Variants in LRRC37A2 observed in about 807,000 individuals in gnomAD.
LRRC37A2 encodes the protein leucine-rich repeat-containing protein 37A2.
LRRC37A2 carries 9 observed loss-of-function variants against 68.8 expected under a neutral mutation model. The observed-to-expected ratio is 0.13, with a 90% confidence interval of 0.08 to 0.23. The LOEUF (loss-of-function observed/expected upper bound fraction) is 0.23. Among genes scored for constraint, LRRC37A2 ranks in the 10% least tolerant of loss-of-function variants. The pLI, the probability that LRRC37A2 is intolerant of heterozygous loss-of-function variation, is 1.00. For synonymous variants in LRRC37A2, 63 were observed against 367.6 expected (o/e 0.17, Z 9.48); for missense variants, 168 against 950.4 (o/e 0.18, Z 10.82).
the LRRC37A2 span, among the ~76,000 whole-genome samples, chr17:47,039,059 A>G: frequency 6.6e-6 from 1 of 150,784 alleles, no homozygotes; most frequent in Non-Finnish European, 1.5e-5. Context: ...TTCTAGCAAC[A>G]AAGTCTCTCA....
chr17:46,809,340 C>A, the LRRC37A2 span, among the ~76,000 whole-genome samples: 1 of 152,154 alleles, frequency 6.6e-6, no homozygotes, highest in Non-Finnish European at 1.5e-5. Flanking sequence ...ATGGGCCCTG[C>A]GAGATTGGTT....
chr17:46,809,147 C>T, the LRRC37A2 span, among the ~76,000 whole-genome samples: 3 of 152,064 alleles, frequency 2.0e-5, no homozygotes, highest in African/African-American at 4.8e-5. Flanking sequence ...GTTACAACTG[C>T]GCAGGTGGAC....
At chr17:46,902,173 C>A in the LRRC37A2 span, among the ~76,000 whole-genome samples, 1 of 152,196 alleles carries the variant, frequency 6.6e-6, no homozygotes, top group African/African-American at 2.4e-5. Context: ...GAGCAGCCTC[C>A]TTCCTCCTCC....
At chr17:46,904,711 G>T in the LRRC37A2 span, among the ~76,000 whole-genome samples, 1 of 152,164 alleles carries the variant, frequency 6.6e-6, no homozygotes, top group African/African-American at 2.4e-5. Context: ...CTCAATTCAG[G>T]TTAGAGTGGA....
chr17:46,743,024 CT>C, the LRRC37A2 span, among the ~76,000 whole-genome samples: 1 of 152,336 alleles, frequency 6.6e-6, no homozygotes, highest in South Asian at 2.1e-4. Context: ...CTGCCTCTCC[CT>C]GAGGCCCCAC....
chr17:46,872,468 C>T, the LRRC37A2 span: 1 of 1,445,210 alleles, frequency 6.9e-7, no homozygotes, highest in Non-Finnish European at 9.1e-7. Flanking sequence ...ATTTGCCCCT[C>T]ACCACCATCC....
chr17:46,734,449 A>C, the LRRC37A2 span, among the ~76,000 whole-genome samples: 1 of 152,060 alleles, frequency 6.6e-6, no homozygotes, highest in Non-Finnish European at 1.5e-5. Flanking sequence ...AGTCAGTGAC[A>C]TTAGATACCT....
chr17:46,525,716 A>G (rs1326232031), intron 6 of LRRC37A2, among the ~76,000 whole-genome samples: 3 of 113,462 alleles, frequency 2.6e-5, no homozygotes, highest in Non-Finnish European at 3.9e-5. Context: ...ATAAAAATTA[A>G]TGAATTCACT....
chr17:46,911,731 A>C, the LRRC37A2 span, among the ~76,000 whole-genome samples: 1 of 152,070 alleles, frequency 6.6e-6, no homozygotes, highest in East Asian at 1.9e-4. Context: ...TAAAAATATA[A>C]AAATTAGCCG....
the LRRC37A2 span, among the ~76,000 whole-genome samples, chr17:46,946,691 C>T: frequency 0.32 from 48,800 of 151,662 alleles, 8,830 homozygotes; most frequent in South Asian, 0.49. Context: ...GGTGAAACCC[C>T]GTCTCTACTA....
the LRRC37A2 span, among the ~76,000 whole-genome samples, chr17:46,793,339 G>A: frequency 6.7e-6 from 1 of 149,434 alleles, no homozygotes; most frequent in Non-Finnish European, 1.5e-5. Flanking sequence ...TTTATAGAGA[G>A]CATGTTCATG....
chr17:46,595,878 ACTCC>A, the LRRC37A2 span, among the ~76,000 whole-genome samples: 2 of 139,194 alleles, frequency 1.4e-5, no homozygotes, highest in Non-Finnish European at 3.0e-5. Flanking sequence ...CTATTTTTCC[ACTCC>A]CTGCCTCCTT....
chr17:46,812,842 C>T, the LRRC37A2 span, among the ~76,000 whole-genome samples: 1 of 152,170 alleles, frequency 6.6e-6, no homozygotes, highest in Non-Finnish European at 1.5e-5. Flanking sequence ...TAGCTAACAT[C>T]GATATGCTTC....
chr17:46,775,663 G>T, the LRRC37A2 span, among the ~76,000 whole-genome samples: 120 of 149,452 alleles, frequency 8.0e-4, no homozygotes, highest in African/African-American at 2.9e-3. Flanking sequence ...ACCCAGGCTG[G>T]AATGCAGTGA....
chr17:46,638,817 A>AT, the LRRC37A2 span, among the ~76,000 whole-genome samples: 4 of 55,272 alleles, frequency 7.2e-5, no homozygotes, highest in Admixed American at 2.4e-4. Flanking sequence ...CAAATGAGGA[A>AT]TTTAAGATCT....
At chr17:46,985,101 G>A in the LRRC37A2 span, among the ~76,000 whole-genome samples, 3 of 152,226 alleles carry the variant, frequency 2.0e-5, no homozygotes, top group African/African-American at 7.2e-5. Context: ...CAGAGGGAAA[G>A]TTAATGACAT....
the LRRC37A2 span, among the ~76,000 whole-genome samples, chr17:46,986,688 C>T: frequency 2.0e-5 from 3 of 152,134 alleles, no homozygotes; most frequent in African/African-American, 4.8e-5. Context: ...TATCTGAGAC[C>T]GCGGAGAAGT....
chr17:47,018,965 A>G, the LRRC37A2 span: 3 of 1,519,630 alleles, frequency 2.0e-6, no homozygotes, highest in Non-Finnish European at 2.7e-6. Flanking sequence ...TAACAAATCC[A>G]ACACCAGGTC....
the LRRC37A2 span, among the ~76,000 whole-genome samples, chr17:46,991,666 C>T: frequency 6.6e-6 from 1 of 152,142 alleles, no homozygotes; most frequent in Non-Finnish European, 1.5e-5. Context: ...TATAAAACCA[C>T]TGTCACAAGA....
Sources: allele counts gnomAD v4.1 joint callset (sites outside exome capture counted in the v4.1 genomes callset), GRCh38; gene constraint gnomAD v4.1.1; transcripts MANE v1.5; gene names NCBI Gene and HGNC (gene_info 2026-07-23, HGNC 2026-07-21).